The following OR3A2 variants were observed in gnomAD, a reference collection of about 807,000 sequenced individuals.
The protein encoded by OR3A2 is olfactory receptor family 3 subfamily A member 2.
For missense variants in OR3A2, 318 were observed against 392.8 expected (o/e 0.81, Z 1.61); for synonymous variants, 126 against 159.3 (o/e 0.79, Z 1.57).
intron 3 of OR3A2, among the ~76,000 whole-genome samples, chr17:3,333,179 G>A (rs2049253399): frequency 6.6e-6 from 1 of 152,100 alleles, no homozygotes; most frequent in African/African-American, 2.4e-5. Context: ...TGCCGCTCTG[G>A]GAGCATCTGT....
chr17:3,373,315 G>A (rs572479209), intron 2 of OR3A2, among the ~76,000 whole-genome samples: 2 of 152,288 alleles, frequency 1.3e-5, no homozygotes, highest in Admixed American at 6.5e-5. Context: ...AAGTCCAGTT[G>A]CTCTAGGTTA....
At chr17:3,324,577 A>C (rs970260627) in intron 3 of OR3A2, among the ~76,000 whole-genome samples, 1 of 152,128 alleles carries the variant, frequency 6.6e-6, no homozygotes, top group African/African-American at 2.4e-5. Flanking sequence ...TCCTTCTAAC[A>C]GACAGGACCA....
exon 1 of OR3A2, chr17:3,386,269 C>G: frequency 2.5e-6 from 1 of 398,790 alleles, no homozygotes; most frequent in Non-Finnish European, 4.4e-6. Context: ...CGAGAGCTAC[C>G]TCCTGGCGGC....
chr17:3,363,347 C>T (rs2049534831), intron 2 of OR3A2, among the ~76,000 whole-genome samples: 1 of 151,794 alleles, frequency 6.6e-6, no homozygotes, highest in Non-Finnish European at 1.5e-5. Flanking sequence ...AATGATCTGT[C>T]TCAAGTTCAA....
At chr17:3,292,930 A>C (rs976176747) in intron 3 of OR3A2, among the ~76,000 whole-genome samples, 1 of 152,096 alleles carries the variant, frequency 6.6e-6, no homozygotes, top group Non-Finnish European at 1.5e-5. Context: ...AACATGGCCG[A>C]GTAAATCCAA....
At chr17:3,384,760 T>C (rs1349886554) in intron 1 of OR3A2, among the ~76,000 whole-genome samples, 1 of 152,164 alleles carries the variant, frequency 6.6e-6, no homozygotes, top group East Asian at 1.9e-4. Flanking sequence ...TAAAGTTTTA[T>C]TGGAACAGTA....
exon 2 of OR3A2, chr17:3,278,380 A>G: frequency 6.2e-7 from 1 of 1,614,178 alleles, no homozygotes; most frequent in African/African-American, 1.3e-5. Flanking sequence ...TCACAGTAGA[A>G]GTGATTGACC....
chr17:3,328,733 T>C (rs914238489), intron 3 of OR3A2, among the ~76,000 whole-genome samples: 2 of 141,366 alleles, frequency 1.4e-5, no homozygotes, highest in East Asian at 2.0e-4. Flanking sequence ...ATACGTCCCA[T>C]CAATACCTAA....
chr17:3,376,768 G>A (rs2049688461), intron 2 of OR3A2, among the ~76,000 whole-genome samples: 1 of 142,756 alleles, frequency 7.0e-6, no homozygotes, highest in Non-Finnish European at 1.5e-5. Context: ...TATTACAGAG[G>A]TCAGCTAGAA....
upstream of OR3A2, among the ~76,000 whole-genome samples, chr17:3,286,494 G>A (rs2150619036): frequency 6.6e-6 from 1 of 152,314 alleles, no homozygotes. Context: ...TCGCCACACT[G>A]TCTTCCACAA....
chr17:3,361,874 T>A (rs1171995104), intron 2 of OR3A2, among the ~76,000 whole-genome samples: 1 of 151,558 alleles, frequency 6.6e-6, no homozygotes, highest in Non-Finnish European at 1.5e-5. Flanking sequence ...GGTCTAAAAT[T>A]CTCTTTTTTT....
In OR3A2 at chr17:3,356,626, C is replaced by A. The variant is rs376228483; in HGVS notation, c.-178-20500G>T. Among the ~76,000 whole-genome samples the A allele has an allele frequency of 7.3e-5, 11 of 151,364 alleles. No homozygotes were observed. In the East Asian group the frequency reaches 7.7e-4, roughly 11 times the overall value. ...TTGAGGATTAGACACTATTTTCCAC[C>A]ATAAATACTCTAACAATTGTAGTAA... On this transcript the variant is annotated intron_variant, in intron 2 of 4. Transcript: ENST00000573491.
At chr17:3,289,593 G>T (rs960656768) in intron 3 of OR3A2, among the ~76,000 whole-genome samples, 1 of 152,228 alleles carries the variant, frequency 6.6e-6, no homozygotes, top group Non-Finnish European at 1.5e-5. Context: ...GATGGTGGAA[G>T]GTGTGGTAGC....
intron 2 of OR3A2, among the ~76,000 whole-genome samples, chr17:3,351,681 A>G (rs230463): frequency 0.4 from 57,270 of 143,404 alleles, 11,278 homozygotes; most frequent in Admixed American, 0.5. Flanking sequence ...GGAAAAAACT[A>G]CTTTAAAGTT....
chr17:3,310,853 C>T (rs1053705475), intron 3 of OR3A2: 3 of 1,041,600 alleles, frequency 2.9e-6, no homozygotes, highest in African/African-American at 1.7e-5. Context: ...ATCACTTCTA[C>T]TGTGACCTCC....
intron 2 of OR3A2, among the ~76,000 whole-genome samples, chr17:3,350,472 G>C (rs983263787): frequency 6.6e-6 from 1 of 151,820 alleles, no homozygotes; most frequent in African/African-American, 2.4e-5. Flanking sequence ...ACTCTCCCAA[G>C]ACTAAACCAG....
intron 2 of OR3A2, among the ~76,000 whole-genome samples, chr17:3,349,066 G>A (rs9889500): frequency 0.14 from 20,477 of 148,218 alleles, 1,705 homozygotes; most frequent in African/African-American, 0.25. Flanking sequence ...GGTACCAGCT[G>A]CTGCAAAATC....
chr17:3,371,239 C>T lies in OR3A2; in HGVS notation c.-179+12565G>A, dbSNP rs1339134782. ...CTCCCGGGTGGGGCGGCTGGCCAGG[C>T]GAGGGGCTGACCTCCTCACCTCCCT... On this transcript the variant is annotated intron_variant, in intron 2 of 4. Coordinates refer to the OR3A2 transcript ENST00000573491. Among the ~76,000 whole-genome samples the T allele has an allele frequency of 2.0e-5, 3 of 150,524 alleles. No individual in the cohort carries two copies. In the East Asian group the frequency reaches 6.0e-4, roughly 30 times the overall value.
At chr17:3,344,888 G>T (rs1457158339) in intron 2 of OR3A2, among the ~76,000 whole-genome samples, 1 of 152,164 alleles carries the variant, frequency 6.6e-6, no homozygotes, top group African/African-American at 2.4e-5. Flanking sequence ...AGCCTGTAAT[G>T]GGAAGAGCAG....
Sources: allele counts gnomAD v4.1 joint callset (sites outside exome capture counted in the v4.1 genomes callset), GRCh38; gene constraint gnomAD v4.1.1; transcripts MANE v1.5; gene names NCBI Gene and HGNC (gene_info 2026-07-23, HGNC 2026-07-21).